Variants in BMPER observed in about 807,000 individuals in gnomAD.
BMPER encodes the protein BMP-binding endothelial regulator protein.
In BMPER, 45 loss-of-function variants were observed where a neutral mutation model predicts 87.3. That is an observed-to-expected ratio of 0.52 (90% CI 0.41 to 0.66). BMPER has a LOEUF of 0.66. BMPER is among the 30% of genes least tolerant of loss of function. BMPER has a pLI of 0.00. For synonymous variants in BMPER, 326 were observed against 316.2 expected (o/e 1.03, Z -0.33); for missense variants, 784 against 867.5 (o/e 0.90, Z 1.21).
intron 13 of BMPER, among the ~76,000 whole-genome samples, chr7:34,099,799 G>T (rs1323089997): frequency 6.6e-6 from 1 of 152,064 alleles, no homozygotes; most frequent in African/African-American, 2.4e-5. Flanking sequence ...TCTAAAGAAA[G>T]AAACTGATTT....
At chr7:34,113,476 T>TTTATA in intron 13 of BMPER, among the ~76,000 whole-genome samples, 1 of 151,792 alleles carries the variant, frequency 6.6e-6, no homozygotes, top group East Asian at 1.9e-4. Flanking sequence ...TTTCATTTAT[T>TTTATA]TTATTTTATT....
At chr7:34,128,600 AG>A (rs1790464052) in intron 13 of BMPER, among the ~76,000 whole-genome samples, 1 of 152,248 alleles carries the variant, frequency 6.6e-6, no homozygotes. Flanking sequence ...TACTTCTGAA[AG>A]CCCCCCAAAA....
At chr7:33,985,573 C>G (rs1785981696) in intron 6 of BMPER, among the ~76,000 whole-genome samples, 1 of 152,094 alleles carries the variant, frequency 6.6e-6, no homozygotes, top group South Asian at 2.1e-4. Context: ...TGCTGAAGTA[C>G]TTCAAATCAA....
intron 13 of BMPER, among the ~76,000 whole-genome samples, chr7:34,138,298 AG>A (rs1287898724): frequency 4.6e-5 from 7 of 152,194 alleles, no homozygotes; most frequent in African/African-American, 1.7e-4. Context: ...AACTGACCAC[AG>A]GTCAGTTCTG....
chr7:33,957,676 G>A (rs1281661401), intron 3 of BMPER, among the ~76,000 whole-genome samples: 1 of 152,158 alleles, frequency 6.6e-6, no homozygotes, highest in Non-Finnish European at 1.5e-5. Flanking sequence ...CTGCTGTCCT[G>A]TAGTTATACA....
intron 3 of BMPER, among the ~76,000 whole-genome samples, chr7:33,950,639 G>T (rs553893402): frequency 2.6e-5 from 4 of 152,176 alleles, no homozygotes; most frequent in South Asian, 2.1e-4. Context: ...CCTTTTTAAG[G>T]CTCACTTAGT....
intron 13 of BMPER, among the ~76,000 whole-genome samples, chr7:34,118,485 G>A (rs1391952850): frequency 6.6e-6 from 1 of 152,122 alleles, no homozygotes; most frequent in Non-Finnish European, 1.5e-5. Flanking sequence ...TAGGAGGGTG[G>A]TCACTTGATC....
chr7:34,049,824 A>G (rs1457972525), intron 7 of BMPER, among the ~76,000 whole-genome samples: 1 of 152,212 alleles, frequency 6.6e-6, no homozygotes, highest in African/African-American at 2.4e-5. Flanking sequence ...TATATCTCTG[A>G]TGGACTGATT....
chr7:34,135,069 T>G lies in BMPER; in HGVS notation c.1746-8161T>G, dbSNP rs1044375062. Among the ~76,000 whole-genome samples the G allele has an allele frequency of 1.2e-4, 18 of 152,190 alleles. 1 individual carries two copies. ...CACCTCCTGGGGAAAGTTAGGAGGA[T>G]TTAAAAATAAATATTTTTAGTAATT... is the stretch of plus-strand genomic sequence containing the variant. On this transcript the variant is annotated intron_variant, in intron 13 of 14. Transcript: ENST00000649409.
chr7:33,994,139 G>T (rs544171673), intron 6 of BMPER, among the ~76,000 whole-genome samples: 1,601 of 152,232 alleles, frequency 0.011, 22 homozygotes, highest in African/African-American at 0.036. Flanking sequence ...GAGCTGTGGT[G>T]GGCTCCACCC....
intron 11 of BMPER, among the ~76,000 whole-genome samples, chr7:34,072,277 A>G (rs1358001195): frequency 3.3e-5 from 5 of 152,130 alleles, no homozygotes; most frequent in Admixed American, 2.6e-4. Context: ...CTAGTTACCT[A>G]TGGCTGCAGA....
At chr7:34,041,232 T>C (rs1787824286) in intron 6 of BMPER, among the ~76,000 whole-genome samples, 1 of 152,204 alleles carries the variant, frequency 6.6e-6, no homozygotes, top group South Asian at 2.1e-4. Flanking sequence ...AGGCTCATTC[T>C]CTGCTGTAGG....
intron 6 of BMPER, among the ~76,000 whole-genome samples, chr7:33,985,482 T>C (rs565698409): frequency 1.4e-4 from 21 of 152,206 alleles, no homozygotes; most frequent in Non-Finnish European, 2.4e-4. Flanking sequence ...TTAATCTTTT[T>C]TGTTTCTCTG....
At chr7:33,969,632 T>C (rs887535020) in intron 4 of BMPER, among the ~76,000 whole-genome samples, 1 of 152,178 alleles carries the variant, frequency 6.6e-6, no homozygotes, top group Non-Finnish European at 1.5e-5. Context: ...ATCTCCTGAC[T>C]TCGTGATCCG....
intron 6 of BMPER, among the ~76,000 whole-genome samples, chr7:34,032,535 G>C (rs953259393): frequency 6.6e-6 from 1 of 152,120 alleles, no homozygotes; most frequent in African/African-American, 2.4e-5. Flanking sequence ...CACATATTAA[G>C]TATTGGATGA....
chr7:33,995,951 C>T lies in BMPER; in HGVS notation c.576+21167C>T, dbSNP rs550005098. ...AGGGATTCCATTCAGCTCTGCTCCT[C>T]GAGCAAATAAGTGTACAGCTCCAAG... On this transcript the variant is annotated intron_variant, in intron 6 of 14. Transcript: ENST00000649409. Among the ~76,000 whole-genome samples, 34 of 152,274 alleles carry T rather than the reference C, an allele frequency of 2.2e-4. No individual in the cohort carries two copies. The South Asian group carries it at 5.6e-3, about 25-fold the overall frequency.
chr7:33,959,270 C>T (rs1165881740), intron 3 of BMPER, among the ~76,000 whole-genome samples: 1 of 152,106 alleles, frequency 6.6e-6, no homozygotes, highest in Non-Finnish European at 1.5e-5. Flanking sequence ...TTTAAATTTT[C>T]TTTCCTTTTT....
Position 34,077,023 on chromosome 7 carries a change from G to T in BMPER, c.1079-1834G>T, listed in dbSNP as rs79196519. Among the ~76,000 whole-genome samples the T allele has an allele frequency of 8.1e-4, 124 of 152,282 alleles. 1 individual carries two copies. The highest frequency in any genetic ancestry group is 2.9e-3 in the African/African-American group (122 of 41,568). ...TCAACTGGGTGCATCTGGTCATCAG[G>T]TTACTATGTAGTCCTTTTGTGGCAC... is the stretch of plus-strand genomic sequence containing the variant. On this transcript the variant is annotated intron_variant, in intron 11 of 14. Transcript: ENST00000649409.
chr7:33,929,912 A>G (rs1041216874), intron 2 of BMPER, among the ~76,000 whole-genome samples: 3 of 152,210 alleles, frequency 2.0e-5, no homozygotes, highest in Non-Finnish European at 4.4e-5. Context: ...ATGTTACTTC[A>G]TTGTTTGGTT....
Sources: gnomAD v4.1 joint callset for allele counts (sites outside exome capture counted in the v4.1 genomes callset) on GRCh38, gnomAD v4.1.1 for gene constraint, MANE v1.5 for transcripts, NCBI Gene and HGNC (gene_info 2026-07-23, HGNC 2026-07-21) for gene names.